The following PTPRD variants were observed in gnomAD, a reference collection of about 807,000 sequenced individuals.
The protein encoded by PTPRD is protein tyrosine phosphatase receptor type D, also known as receptor-type tyrosine-protein phosphatase delta.
A neutral mutation model predicts 214.5 loss-of-function variants in PTPRD; 34 were observed. The observed-to-expected ratio is 0.16, with a 90% CI of 0.12 to 0.21. The LOEUF is 0.21. PTPRD is among the 10% of genes least tolerant of loss of function. The pLI, the probability that PTPRD is intolerant of heterozygous loss-of-function variation, is 1.00. For missense variants in PTPRD, 2,545 were observed against 2,398.7 expected (o/e 1.06, Z -1.27); for synonymous variants, 1,128 against 845.7 (o/e 1.33, Z -5.79).
Position 9,720,510 on chromosome 9 carries a change from A to T in PTPRD, c.-287+14023T>A, listed in dbSNP as rs58927610. On this transcript the variant is annotated intron_variant, in intron 7 of 45. Coordinates refer to ENST00000381196, the MANE Select transcript of PTPRD (RefSeq NM_002839.4). ...TAGGACAGACTTAGAAAATACTGGC[A>T]GGGTAGTAAACATATATAGAATGAC... 3.7e-3 allele frequency among the ~76,000 whole-genome samples: 558 copies of T among 152,328 alleles called. 4 individuals are homozygous for T. Among genetic ancestry groups the T allele is most frequent in the African/African-American group, 0.013 (539 of 41,570 alleles).
At chr9:9,167,566 T>C (rs1243970582) in intron 10 of PTPRD, among the ~76,000 whole-genome samples, 1 of 151,708 alleles carries the variant, frequency 6.6e-6, no homozygotes, top group Non-Finnish European at 1.5e-5. Flanking sequence ...ACCAGCCTGA[T>C]CAACATGGAG....
chr9:10,278,028 C>T (rs1422613256), intron 3 of PTPRD, among the ~76,000 whole-genome samples: 2 of 151,844 alleles, frequency 1.3e-5, no homozygotes, highest in East Asian at 1.9e-4. Flanking sequence ...GGTGTGGTGG[C>T]GGACGCCTGT....
At chr9:8,918,644 T>A (rs2098804189) in intron 11 of PTPRD, among the ~76,000 whole-genome samples, 1 of 152,158 alleles carries the variant, frequency 6.6e-6, no homozygotes. Flanking sequence ...TATTGCACAC[T>A]TTCCTTCTCT....
chr9:8,855,990 G>C (rs1457042620), intron 11 of PTPRD, among the ~76,000 whole-genome samples: 5 of 152,182 alleles, frequency 3.3e-5, no homozygotes, highest in Non-Finnish European at 5.9e-5. Flanking sequence ...CCATTGAAAA[G>C]CAAAGTACAG....
chr9:9,503,149 GT>G (rs1381028775), intron 8 of PTPRD, among the ~76,000 whole-genome samples: 4 of 151,712 alleles, frequency 2.6e-5, no homozygotes, highest in African/African-American at 9.7e-5. Flanking sequence ...TGTTTTAAAT[GT>G]ATCTTGTCAA....
chr9:9,512,152 T>A (rs1314511593), intron 8 of PTPRD, among the ~76,000 whole-genome samples: 2 of 151,774 alleles, frequency 1.3e-5, no homozygotes, highest in Admixed American at 1.3e-4. Flanking sequence ...GAACTCATGA[T>A]CTCTCTTATT....
At chr9:10,481,088 T>C (rs2099094557) in intron 2 of PTPRD, among the ~76,000 whole-genome samples, 1 of 151,874 alleles carries the variant, frequency 6.6e-6, no homozygotes, top group Admixed American at 6.6e-5. Flanking sequence ...TAAAAATCTA[T>C]CCTGCTCAAG....
At chr9:10,060,464 T>C (rs975910581) in intron 3 of PTPRD, among the ~76,000 whole-genome samples, 9 of 152,092 alleles carry the variant, frequency 5.9e-5, no homozygotes, top group Non-Finnish European at 1.2e-4. Context: ...CTCATGTGTG[T>C]AAAATTACGA....
chr9:9,390,770 A>AGCAGT (rs1290901369), intron 9 of PTPRD, among the ~76,000 whole-genome samples: 1 of 152,158 alleles, frequency 6.6e-6, no homozygotes, highest in Non-Finnish European at 1.5e-5. Context: ...CACTTGGTCA[A>AGCAGT]GCAGTTGCTG....
rs541065732 is a variant in PTPRD, at chr9:10,014,921, T to A, written c.-472+18797A>T. 8.0e-4 allele frequency among the ~76,000 whole-genome samples: 122 copies of A among 152,104 alleles called. 1 individual carries two copies. The highest frequency in any genetic ancestry group is 1.2e-3 in the Non-Finnish European group (83 of 67,960). ...ATTTAAAAACCGCTTCAGTTAGCAC[T>A]TCCCCTCATTGAATTGTTTGGGATT... On this transcript the variant is annotated intron_variant, in intron 4 of 45. Transcript: ENST00000381196.
intron 7 of PTPRD, among the ~76,000 whole-genome samples, chr9:9,708,223 T>C (rs2097662352): frequency 2.2e-5 from 1 of 44,896 alleles, no homozygotes; most frequent in Non-Finnish European, 4.0e-5. Flanking sequence ...CCCAATTTCA[T>C]TAATTTTAGG....
At chr9:9,840,554 A>G (rs903518507) in intron 5 of PTPRD, among the ~76,000 whole-genome samples, 2 of 151,994 alleles carry the variant, frequency 1.3e-5, no homozygotes, top group Non-Finnish European at 2.9e-5. Flanking sequence ...AAAGTAAAAT[A>G]AAATTATAAA....
chr9:10,335,299 G>T (rs184572351), intron 3 of PTPRD, among the ~76,000 whole-genome samples: 1 of 151,812 alleles, frequency 6.6e-6, no homozygotes, highest in East Asian at 1.9e-4. Context: ...ATAGTCAACT[G>T]ATCTTTCACA....
intron 11 of PTPRD, among the ~76,000 whole-genome samples, chr9:8,801,586 C>T (rs1397088924): frequency 6.6e-6 from 1 of 152,112 alleles, no homozygotes; most frequent in South Asian, 2.1e-4. Context: ...CATGGTGGCA[C>T]ATGCCTGTAA....
intron 8 of PTPRD, among the ~76,000 whole-genome samples, chr9:9,518,321 A>C (rs1408152828): frequency 6.6e-6 from 1 of 152,056 alleles, no homozygotes; most frequent in Non-Finnish European, 1.5e-5. Context: ...TAATATAGAA[A>C]ATTCTTTTTT....
At chr9:8,730,531 G>A (rs1319777068) in intron 12 of PTPRD, among the ~76,000 whole-genome samples, 1 of 152,256 alleles carries the variant, frequency 6.6e-6, no homozygotes, top group African/African-American at 2.4e-5. Context: ...GAATGTAACA[G>A]TATGCTACAA....
intron 2 of PTPRD, among the ~76,000 whole-genome samples, chr9:10,601,547 A>T (rs1029177547): frequency 6.6e-6 from 1 of 151,824 alleles, no homozygotes; most frequent in Non-Finnish European, 1.5e-5. Flanking sequence ...TTTTCAAATT[A>T]TATTGCATAT....
intron 3 of PTPRD, among the ~76,000 whole-genome samples, chr9:10,268,872 G>C (rs2094254046): frequency 6.6e-6 from 1 of 152,184 alleles, no homozygotes; most frequent in Non-Finnish European, 1.5e-5. Flanking sequence ...CGCCCATCTA[G>C]GGCAGGGATT....
intron 3 of PTPRD, among the ~76,000 whole-genome samples, chr9:10,185,312 G>A (rs138536624): frequency 1.3e-5 from 2 of 152,286 alleles, no homozygotes; most frequent in African/African-American, 2.4e-5. Flanking sequence ...CACTGAGCAT[G>A]TGAAGCAATA....
Sources: allele counts gnomAD v4.1 joint callset (sites outside exome capture counted in the v4.1 genomes callset), GRCh38; gene constraint gnomAD v4.1.1; transcripts MANE v1.5; gene names NCBI Gene and HGNC (gene_info 2026-07-23, HGNC 2026-07-21).